CYP1A2: variants seen among roughly 807,000 people sequenced by gnomAD.
CYP1A2 encodes the protein cytochrome P450 family 1 subfamily A member 2, also known as cytochrome P450 1A2.
CYP1A2 carries 35 observed loss-of-function variants against 34.7 expected under a neutral mutation model. That is an observed-to-expected ratio of 1.01 (90% CI 0.77 to 1.34). The LOEUF is 1.34. CYP1A2 is among the 40% of genes most tolerant of loss of function. The pLI, the probability that CYP1A2 is intolerant of heterozygous loss-of-function variation, is 0.00. For missense variants in CYP1A2, 675 were observed against 675.8 expected, an observed-to-expected ratio of 1.00 and a Z score of 0.01; for synonymous variants, 288 against 281.9, an observed-to-expected ratio of 1.02 and a Z score of -0.22.
At position 74,756,414 on chromosome 15, in the gene CYP1A2, C is replaced by T. The variant is rs950844838; in HGVS notation, c.*1326C>T. Among the ~76,000 whole-genome samples the T allele has an allele frequency of 2.0e-5, 3 of 152,010 alleles. No homozygotes were observed. The highest frequency in any genetic ancestry group is 4.8e-5 in the African/African-American group (2 of 41,378). On this transcript the variant is annotated 3_prime_UTR_variant, in exon 7 of 7. Coordinates refer to ENST00000343932, the MANE Select transcript of CYP1A2 (RefSeq NM_000761.5). ...CATTACAGGTGTGAGCCACGGTGCC[C>T]GGCCCACAATTAATTTTAGAACATT...
At chr15:74,753,334 C>A in intron 6 of CYP1A2, 64 bp downstream of exon 6, 1 of 1,286,426 alleles carries the variant, frequency 7.8e-7, no homozygotes, top group Non-Finnish European at 1.1e-6. Flanking sequence ...CTGTTTGTCC[C>A]TGCTAGGAAC....
intron 6 of CYP1A2, 38 bp downstream of exon 6, chr15:74,753,308 T>C: frequency 6.5e-7 from 1 of 1,547,990 alleles, no homozygotes. Flanking sequence ...GTGTGCAGGT[T>C]CAGCAGTCAG....
rs1253952551 is a variant in CYP1A2, at chr15:74,749,813, C to T, written c.75C>T (p.Phe25=). The change falls in exon 2 of 7, where the codon TTC becomes TTT. Residue 25 remains phenylalanine (F), a synonymous_variant. Coordinates refer to ENST00000343932, the MANE Select transcript of CYP1A2 (RefSeq NM_000761.5). ...LLASAIFCLV[F]WVLKGLRPRV... ...CCTCTGCCATCTTCTGCCTGGTATTCTGGGTGCTCAAGGGTTTGAGGCCTC... is the reference window on the plus strand; with the variant it reads ...CCTCTGCCATCTTCTGCCTGGTATTTTGGGTGCTCAAGGGTTTGAGGCCTC... The T allele has an allele frequency of 1.9e-6, 3 of 1,596,760 alleles. No individual in the cohort carries two copies. Among genetic ancestry groups the T allele is most frequent in the Admixed American group, 1.7e-5 (1 of 58,760 alleles).
intron 2 of CYP1A2, 149 bp from the exon 3 acceptor site, chr15:74,751,040 C>T (rs956621626): frequency 3.4e-5 from 36 of 1,044,268 alleles, no homozygotes; most frequent in Middle Eastern, 3.2e-4. Context: ...GCTACCAGCT[C>T]CTGCTGCAAG....
At position 74,749,883 on chromosome 15, in the gene CYP1A2, C is replaced by G. The variant is rs946281188; in HGVS notation, c.145C>G (p.Pro49Ala). ...LKSPPEPWGW[P>A]LLGHVLTLGK... is the part of the protein sequence containing the mutation. ...AAGTCCACCAGAGCCATGGGGCTGG[C>G]CCTTGCTCGGGCATGTGCTGACCCT... The change falls in exon 2 of 7, where the codon CCC (proline) becomes GCC (alanine). Residue 49 changes from proline (P) to alanine (A), a missense_variant. Transcript: ENST00000343932. The G allele has an allele frequency of 6.2e-7, 1 of 1,608,856 alleles. No homozygotes were observed. Among genetic ancestry groups the G allele is most frequent in the Non-Finnish European group, 8.5e-7 (1 of 1,176,052 alleles).
intron 6 of CYP1A2, 152 bp from the exon 7 acceptor site, chr15:74,754,639 A>C (rs1018366220): frequency 1.5e-6 from 1 of 686,150 alleles, no homozygotes; most frequent in Non-Finnish European, 2.5e-6. Flanking sequence ...AGAAATAAGC[A>C]TCAAAGTTCA....
In CYP1A2 at chr15:74,754,996, G is replaced by A. The variant is rs571663822; in HGVS notation, c.1459G>A (p.Val487Met). 1.1e-3 allele frequency: 1,822 copies of A among 1,614,228 alleles called. 27 individuals carry two copies. In the South Asian group the frequency reaches 0.019, roughly 17 times the overall value. Reference sequence around the variant, plus strand: ...ACTGGAGTTCAGCGTGCCGCCGGGCGTGAAAGTCGACCTGACCCCCATCTA... The same window carrying A: ...ACTGGAGTTCAGCGTGCCGCCGGGCATGAAAGTCGACCTGACCCCCATCTA... The part of the protein sequence containing the change: ...QQLEFSVPPG[V>M]KVDLTPIYGL... Residue 487 changes from valine (V) to methionine (M), a missense_variant, in exon 7 of 7, where the codon GTG becomes ATG. Transcript: ENST00000343932.
At chr15:74,750,634 G>C (rs564886643) in intron 2 of CYP1A2, 65 bp downstream of exon 2, 1 of 1,345,402 alleles carries the variant, frequency 7.4e-7, no homozygotes, top group Admixed American at 1.8e-5. Flanking sequence ...CTCCCTCCCA[G>C]CTCCAGCATG....
rs939000746 is a variant in CYP1A2, at chr15:74,749,877, G to T, written c.139G>T (p.Gly47Cys). 6.2e-7 allele frequency: 1 copy of T among 1,608,986 alleles called. No individual in the cohort carries two copies. Among genetic ancestry groups the T allele is most frequent in the South Asian group, 1.1e-5 (1 of 90,820 alleles). Residue 47 changes from glycine (G) to cysteine (C), a missense_variant, in exon 2 of 7, where the codon GGC (glycine) becomes TGC (cysteine). By Grantham distance (159) the Gly-to-Cys change is radical. Transcript: ENST00000343932. The stretch of plus-strand genomic sequence containing the variant: ...CCTGAAAAGTCCACCAGAGCCATGG[G>T]GCTGGCCCTTGCTCGGGCATGTGCT... ...KGLKSPPEPWGWPLLGHVLTL... is the reference protein window; with the variant it reads ...KGLKSPPEPWCWPLLGHVLTL...
chr15:74,752,599 C>G (rs1486175466), intron 5 of CYP1A2, among the ~76,000 whole-genome samples: 2 of 152,152 alleles, frequency 1.3e-5, no homozygotes, highest in African/African-American at 4.8e-5. Flanking sequence ...CTCTGACCAC[C>G]AGAATCCTAC....
Position 74,749,864 on chromosome 15 carries a change from A to G in CYP1A2, c.126A>G (p.Pro42=), listed in dbSNP as rs1303772001. The G allele has an allele frequency of 3.1e-6, 5 of 1,608,036 alleles. No homozygotes were observed. In the South Asian group the frequency reaches 4.4e-5, roughly 14 times the overall value. Residue 42 remains proline, a synonymous_variant, in exon 2 of 7, where the codon CCA becomes CCG. Coordinates refer to ENST00000343932, the MANE Select transcript of CYP1A2 (RefSeq NM_000761.5). ...GGGTCCCCAAAGGCCTGAAAAGTCC[A>G]CCAGAGCCATGGGGCTGGCCCTTGC... ...RPRVPKGLKS[P]PEPWGWPLLG... is the part of the protein sequence containing the mutation.
Position 74,752,267 on chromosome 15 carries a change from C to A in CYP1A2, c.1166+20C>A. 1 of 1,612,854 alleles carries A rather than the reference C, an allele frequency of 6.2e-7. No individual in the cohort carries two copies. The highest frequency in any genetic ancestry group is 8.5e-7 in the Non-Finnish European group (1 of 1,179,384). ...CCACAGGTGAGGCCTGCCGGTTCTG[C>A]CCTCCCACCTCTAAAGTGCTTGCCA... On this transcript the variant is annotated intron_variant, in intron 5 of 6. Coordinates refer to ENST00000343932, the MANE Select transcript of CYP1A2 (RefSeq NM_000761.5).
intron 5 of CYP1A2, 64 bp downstream of exon 5, chr15:74,752,311 T>TCTCAGCCCTGGCCCTGGCTC: frequency 1.3e-6 from 2 of 1,597,332 alleles, no homozygotes; most frequent in Non-Finnish European, 1.7e-6. Flanking sequence ...CTTCCTGGCT[T>TCTCAGCCCTGGCCCTGGCTC]CTCAGCCCTG....
At chr15:74,752,870 CTT>C (rs4646426) in intron 5 of CYP1A2, among the ~76,000 whole-genome samples, 126 of 96,168 alleles carry the variant, frequency 1.3e-3, no homozygotes, top group African/African-American at 4.2e-3. Flanking sequence ...CTGCCTGCTG[CTT>C]TTTTTTTTTT....
intron 5 of CYP1A2, among the ~76,000 whole-genome samples, 176 bp from the exon 6 acceptor site, chr15:74,753,008 G>T (rs1001162410): frequency 2.7e-5 from 4 of 149,618 alleles, no homozygotes; most frequent in African/African-American, 9.8e-5. Context: ...TGAAGTTAAA[G>T]AACAGGACGC....
In CYP1A2 at chr15:74,750,288, G is replaced by C; in HGVS notation, c.550G>C (p.Gly184Arg). Reference sequence around the variant, plus strand: ...GTTGCAGGAGCTGATGGCAGGGCCTGGGCACTTCGACCCTTACAATCAGGT... The same window carrying C: ...GTTGCAGGAGCTGATGGCAGGGCCTCGGCACTTCGACCCTTACAATCAGGT... ...SRLQELMAGP[G>R]HFDPYNQVVV... Residue 184 changes from glycine (G) to arginine (R), a missense_variant, in exon 2 of 7, where the codon GGG (glycine) becomes CGG (arginine). By Grantham distance (125) the Gly-to-Arg change is moderately radical (BLOSUM62 -2). Coordinates refer to ENST00000343932, the MANE Select transcript of CYP1A2 (RefSeq NM_000761.5). The C allele has an allele frequency of 6.2e-7, 1 of 1,614,220 alleles. No homozygotes were observed. Among genetic ancestry groups the C allele is most frequent in the Non-Finnish European group, 8.5e-7 (1 of 1,180,042 alleles).
In CYP1A2 at chr15:74,749,924, C is replaced by A; in HGVS notation, c.186C>A (p.His62Gln). Reference protein sequence around the residue: ...GHVLTLGKNPHLALSRMSQRY... With the variant: ...GHVLTLGKNPQLALSRMSQRY... ...TGCTGACCCTGGGGAAGAACCCGCACCTGGCACTGTCAAGGATGAGCCAGC... is the reference window on the plus strand; with the variant it reads ...TGCTGACCCTGGGGAAGAACCCGCAACTGGCACTGTCAAGGATGAGCCAGC... The change falls in exon 2 of 7, where the codon CAC (histidine) becomes CAA (glutamine). Residue 62 changes from histidine to glutamine, a missense_variant. Physicochemically the swap from His to Gln is conservative, Grantham distance 24. Transcript: ENST00000343932. The A allele has an allele frequency of 6.2e-7, 1 of 1,611,348 alleles. No individual in the cohort carries two copies. Among genetic ancestry groups the A allele is most frequent in the South Asian group, 1.1e-5 (1 of 90,956 alleles).
chr15:74,753,782 TC>T (rs1567206612), intron 6 of CYP1A2, among the ~76,000 whole-genome samples: 1 of 151,636 alleles, frequency 6.6e-6, no homozygotes, highest in South Asian at 2.1e-4. Context: ...AGGTGATGGT[TC>T]CCCCAGGATT....
chr15:74,752,398 A>G, intron 5 of CYP1A2, 151 bp downstream of exon 5: 1 of 1,112,024 alleles, frequency 9.0e-7, no homozygotes, highest in Non-Finnish European at 1.3e-6. Context: ...CAGTCCAAAC[A>G]TAATCTAACC....
Sources: gnomAD v4.1 joint callset for allele counts (sites outside exome capture counted in the v4.1 genomes callset) on GRCh38, gnomAD v4.1.1 for gene constraint, MANE v1.5 for transcripts, NCBI Gene and HGNC (gene_info 2026-07-23, HGNC 2026-07-21) for gene names.